The following CNTN5 variants were observed in gnomAD, a reference collection of about 807,000 sequenced individuals.
The protein encoded by CNTN5 is contactin 5.
CNTN5 carries 77 observed loss-of-function variants against 129.1 expected under a neutral mutation model. That is an observed-to-expected ratio of 0.60 (90% confidence interval 0.50 to 0.72). CNTN5 has a LOEUF of 0.72. Ranked by LOEUF, CNTN5 falls within the 30% of genes least tolerant of loss-of-function variation. The pLI is 0.00. For synonymous variants in CNTN5, 509 were observed against 465.6 expected, an observed-to-expected ratio of 1.09 and a Z score of -1.20; for missense variants, 1,478 against 1,328.8, an observed-to-expected ratio of 1.11 and a Z score of -1.75.
At chr11:99,865,232 G>C (rs1322802386) in intron 6 of CNTN5, among the ~76,000 whole-genome samples, 2 of 151,968 alleles carry the variant, frequency 1.3e-5, no homozygotes, top group South Asian at 2.1e-4. Context: ...TTTTTATGCA[G>C]AAAATTTTCA....
intron 7 of CNTN5, among the ~76,000 whole-genome samples, chr11:99,931,472 G>C (rs1222103755): frequency 6.6e-6 from 1 of 152,170 alleles, no homozygotes; most frequent in African/African-American, 2.4e-5. Context: ...ACATCAAGCA[G>C]CTCTAGTTTA....
At chr11:100,339,651 C>A (rs976436362) in intron 21 of CNTN5, among the ~76,000 whole-genome samples, 1 of 152,148 alleles carries the variant, frequency 6.6e-6, no homozygotes, top group African/African-American at 2.4e-5. Flanking sequence ...CACTGGGGAC[C>A]CATTTCTGTC....
Position 99,824,293 on chromosome 11 carries a change from T to A in CNTN5, c.277+4528T>A, listed in dbSNP as rs1946887471. Among the ~76,000 whole-genome samples the A allele has an allele frequency of 3.3e-5, 5 of 151,998 alleles. No homozygotes were observed. The South Asian group carries it at 1.0e-3, about 31-fold the overall frequency. On this transcript the variant is annotated intron_variant, in intron 4 of 24. Coordinates refer to ENST00000524871, the MANE Select transcript of CNTN5 (RefSeq NM_014361.4). ...CTCCACATTGTCACCAACATAAAAT[T>A]TTTTTGGCAATCTCTTGAGTATAGT... is the stretch of plus-strand genomic sequence containing the variant.
intron 3 of CNTN5, among the ~76,000 whole-genome samples, chr11:99,613,418 C>T (rs1950655358): frequency 6.6e-6 from 1 of 152,102 alleles, no homozygotes; most frequent in African/African-American, 2.4e-5. Flanking sequence ...TGAGGCCTCC[C>T]CAGCCGTGCT....
chr11:99,891,112 A>G (rs898208714), intron 6 of CNTN5, among the ~76,000 whole-genome samples: 2 of 152,174 alleles, frequency 1.3e-5, no homozygotes, highest in African/African-American at 4.8e-5. Context: ...ACATTAGGTC[A>G]AAACTTAGGA....
At chr11:99,929,564 G>A (rs1046080035) in intron 7 of CNTN5, among the ~76,000 whole-genome samples, 11 of 152,210 alleles carry the variant, frequency 7.2e-5, no homozygotes, top group African/African-American at 2.7e-4. Flanking sequence ...GGTGGAAGGG[G>A]AAGGAAACAT....
Position 100,071,831 on chromosome 11 carries a change from C to G in CNTN5, c.1426C>G (p.Leu476Val), listed in dbSNP as rs1766974170. 6 of 1,584,754 alleles carry G rather than the reference C, an allele frequency of 3.8e-6. No homozygotes were observed. Among genetic ancestry groups the G allele is most frequent in the Non-Finnish European group, 3.4e-6 (4 of 1,171,262 alleles). The change falls in exon 12 of 25, where the codon CTA becomes GTA. Residue 476 changes from leucine (L) to valine (V), a missense_variant. By Grantham distance (32) the Leu-to-Val change is conservative. Coordinates refer to ENST00000524871, the MANE Select transcript of CNTN5 (RefSeq NM_014361.4). ...AIYASAELKI[L>V]ASAPTFALNQ... Reference sequence around the variant, plus strand: ...TTACGCTAGTGCTGAGCTGAAGATTCTAGGTATGCAGTTTCTAAGTGAATA... The same window carrying G: ...TTACGCTAGTGCTGAGCTGAAGATTGTAGGTATGCAGTTTCTAAGTGAATA...
chr11:99,919,226 T>C (rs1211074697), intron 7 of CNTN5, among the ~76,000 whole-genome samples: 1 of 147,768 alleles, frequency 6.8e-6, no homozygotes, highest in Non-Finnish European at 1.5e-5. Flanking sequence ...TATGCATTTG[T>C]TGCAGTTCTA....
At chr11:99,956,753 C>A in intron 7 of CNTN5, 53 bp from the exon 8 acceptor site, 1 of 1,339,166 alleles carries the variant, frequency 7.5e-7, no homozygotes, top group Non-Finnish European at 1.1e-6. Flanking sequence ...TGAGCTTTGT[C>A]TGTTAATGAA....
chr11:99,273,250 C>A (rs1010576312), intron 1 of CNTN5, among the ~76,000 whole-genome samples: 1 of 151,788 alleles, frequency 6.6e-6, no homozygotes, highest in Non-Finnish European at 1.5e-5. Flanking sequence ...TGATTTTACT[C>A]TCTAATCTCA....
chr11:99,776,519 A>G lies in CNTN5; in HGVS notation c.56-43025A>G, dbSNP rs994122777. Among the ~76,000 whole-genome samples the G allele has an allele frequency of 4.6e-5, 7 of 151,812 alleles. No homozygotes were observed. In the East Asian group the frequency reaches 1.2e-3, roughly 25 times the overall value. On this transcript the variant is annotated intron_variant, in intron 3 of 24. Coordinates refer to ENST00000524871, the MANE Select transcript of CNTN5 (RefSeq NM_014361.4). ...TTACATAACTCATACTGAGCTTAAA[A>G]TATATATATTGAAATCTTCATTTAA...
At chr11:99,640,259 G>A (rs1002125042) in intron 3 of CNTN5, among the ~76,000 whole-genome samples, 5 of 152,212 alleles carry the variant, frequency 3.3e-5, no homozygotes, top group East Asian at 1.9e-4. Flanking sequence ...TACTGGTACC[G>A]ATACACTGTA....
chr11:99,620,884 A>G (rs573850089), intron 3 of CNTN5, among the ~76,000 whole-genome samples: 2 of 152,226 alleles, frequency 1.3e-5, no homozygotes, highest in Non-Finnish European at 2.9e-5. Context: ...ACAGAAAAAT[A>G]AAAACTTTAG....
At chr11:99,711,484 C>A (rs1954985962) in intron 3 of CNTN5, among the ~76,000 whole-genome samples, 1 of 150,208 alleles carries the variant, frequency 6.7e-6, no homozygotes, top group African/African-American at 2.5e-5. Context: ...TTTGAAGACA[C>A]AGTTTTTTTT....
chr11:99,718,893 C>T (rs1307163384), intron 3 of CNTN5, among the ~76,000 whole-genome samples: 1 of 152,026 alleles, frequency 6.6e-6, no homozygotes, highest in African/African-American at 2.4e-5. Flanking sequence ...ATCTACTGTA[C>T]TTTCAATGTA....
At chr11:99,398,597 GA>G (rs1195244345) in intron 2 of CNTN5, among the ~76,000 whole-genome samples, 1 of 151,692 alleles carries the variant, frequency 6.6e-6, no homozygotes, top group Non-Finnish European at 1.5e-5. Flanking sequence ...CATATAATTG[GA>G]ATTATATAGT....
At chr11:100,200,114 T>C (rs55912013) in intron 15 of CNTN5, among the ~76,000 whole-genome samples, 3,489 of 152,080 alleles carry the variant, frequency 0.023, 59 homozygotes, top group Middle Eastern at 0.048. Context: ...GAATGAAAGA[T>C]GACTGCCTTG....
At chr11:100,117,697 G>A (rs1263320204) in intron 13 of CNTN5, among the ~76,000 whole-genome samples, 1 of 150,148 alleles carries the variant, frequency 6.7e-6, no homozygotes, top group Non-Finnish European at 1.5e-5. Flanking sequence ...GTCTAAAATT[G>A]TTATTGCAAA....
At chr11:99,674,951 C>A (rs143965443) in intron 3 of CNTN5, among the ~76,000 whole-genome samples, 158 of 152,084 alleles carry the variant, frequency 1.0e-3, no homozygotes, top group African/African-American at 3.7e-3. Context: ...GATGTGCATA[C>A]TGGATTATGA....
Sources: gnomAD v4.1 joint callset for allele counts (sites outside exome capture counted in the v4.1 genomes callset) on GRCh38, gnomAD v4.1.1 for gene constraint, MANE v1.5 for transcripts, NCBI Gene and HGNC (gene_info 2026-07-23, HGNC 2026-07-21) for gene names.